Variants in ANAPC10 observed in about 807,000 individuals in gnomAD.
ANAPC10 encodes the protein anaphase promoting complex subunit 10, also known as anaphase-promoting complex subunit 10.
In ANAPC10, 12 loss-of-function variants were observed where a neutral mutation model predicts 22.0. The ratio of observed to expected loss-of-function variants is 0.55; its 90% CI spans 0.35 to 0.88. The LOEUF is 0.88. Ranked by LOEUF, ANAPC10 falls within the 40% of genes least tolerant of loss-of-function variation. ANAPC10 has a pLI of 0.01. For missense variants in ANAPC10, 188 were observed against 220.9 expected (o/e 0.85, Z 0.94); for synonymous variants, 65 against 69.5 (o/e 0.94, Z 0.32).
chr4:145,090,678 T>C (rs746576967), intron 2 of ANAPC10, among the ~76,000 whole-genome samples: 6 of 152,194 alleles, frequency 3.9e-5, no homozygotes, highest in Non-Finnish European at 8.8e-5. Flanking sequence ...GTAAAAGAAA[T>C]AGTACAACTT....
intron 2 of ANAPC10, among the ~76,000 whole-genome samples, chr4:145,092,578 CA>C (rs1239899762): frequency 5.3e-5 from 8 of 152,162 alleles, no homozygotes; most frequent in Non-Finnish European, 1.2e-4. Flanking sequence ...AATAGTACAG[CA>C]ACACTGAGAG....
At chr4:145,053,829 A>G in intron 4 of ANAPC10, 1 of 580,262 alleles carries the variant, frequency 1.7e-6, no homozygotes, top group South Asian at 2.1e-5. Context: ...ATTAAGATAT[A>G]CTTTTAAATT....
intron 4 of ANAPC10, among the ~76,000 whole-genome samples, chr4:145,031,821 T>C (rs1188404121): frequency 3.3e-5 from 5 of 152,180 alleles, no homozygotes; most frequent in Non-Finnish European, 7.3e-5. Flanking sequence ...GAGACATCTC[T>C]TGACTGGGCT....
chr4:145,024,435 A>G (rs557974969), intron 4 of ANAPC10, among the ~76,000 whole-genome samples: 5 of 152,348 alleles, frequency 3.3e-5, no homozygotes, highest in African/African-American at 1.2e-4. Context: ...ATCTTAAATA[A>G]TAAGAATTGA....
chr4:145,095,553 T>G (rs1748380240), intron 2 of ANAPC10, among the ~76,000 whole-genome samples: 1 of 152,162 alleles, frequency 6.6e-6, no homozygotes, highest in Non-Finnish European at 1.5e-5. Context: ...TCTGAAGTAT[T>G]GTCAGAAGGT....
chr4:145,017,850 C>G (rs1735413538), intron 4 of ANAPC10, among the ~76,000 whole-genome samples: 1 of 151,650 alleles, frequency 6.6e-6, no homozygotes, highest in Admixed American at 6.6e-5. Flanking sequence ...CCATCATTCT[C>G]AGCAAACTAT....
chr4:145,008,404 T>C (rs887047230), intron 4 of ANAPC10, among the ~76,000 whole-genome samples: 2 of 152,158 alleles, frequency 1.3e-5, no homozygotes, highest in Admixed American at 6.5e-5. Flanking sequence ...TTTAGACCAA[T>C]ATCCCTGATG....
chr4:145,015,225 T>A (rs193114899), intron 4 of ANAPC10, among the ~76,000 whole-genome samples: 1 of 151,734 alleles, frequency 6.6e-6, no homozygotes. Context: ...TTCAAGGAAA[T>A]AGATAGCATA....
intron 2 of ANAPC10, among the ~76,000 whole-genome samples, chr4:145,094,206 A>T (rs973252220): frequency 2.6e-5 from 4 of 152,214 alleles, no homozygotes; most frequent in Non-Finnish European, 4.4e-5. Context: ...AGCAAAACCC[A>T]CAAGTGAATT....
intron 3 of ANAPC10, among the ~76,000 whole-genome samples, chr4:145,066,529 T>G (rs1329540340): frequency 6.6e-6 from 1 of 152,030 alleles, no homozygotes; most frequent in East Asian, 1.9e-4. Context: ...AAGGATCAAG[T>G]GTTTTGCTCA....
intron 4 of ANAPC10, among the ~76,000 whole-genome samples, chr4:145,060,749 T>C (rs1742768190): frequency 6.6e-6 from 1 of 152,086 alleles, no homozygotes; most frequent in Non-Finnish European, 1.5e-5. Flanking sequence ...ATTCACACTA[T>C]TTTAATAACT....
chr4:145,025,109 A>G (rs1736474066), intron 4 of ANAPC10, among the ~76,000 whole-genome samples: 1 of 152,208 alleles, frequency 6.6e-6, no homozygotes. Flanking sequence ...TAGCCTTTAT[A>G]GAATTCAAGA....
At chr4:145,036,995 CGTGTGT>C (rs202100756) in intron 4 of ANAPC10, among the ~76,000 whole-genome samples, 6,244 of 131,186 alleles carry the variant, frequency 0.048, 189 homozygotes, top group African/African-American at 0.092. Flanking sequence ...AAATAGATAA[CGTGTGT>C]GTGTGTGTGT....
At chr4:144,998,124 T>A (rs952488364) in intron 4 of ANAPC10, among the ~76,000 whole-genome samples, 12 of 152,098 alleles carry the variant, frequency 7.9e-5, no homozygotes, top group Admixed American at 7.2e-4. Context: ...TCCCACACAA[T>A]AATAATGGGA....
At chr4:145,057,445 T>A (rs1742223774) in intron 4 of ANAPC10, among the ~76,000 whole-genome samples, 1 of 152,082 alleles carries the variant, frequency 6.6e-6, no homozygotes, top group African/African-American at 2.4e-5. Context: ...TTCTGAGAGT[T>A]CCTCTCAGCT....
chr4:145,081,332 T>A (rs543388512), intron 3 of ANAPC10, among the ~76,000 whole-genome samples: 1 of 152,160 alleles, frequency 6.6e-6, no homozygotes, highest in South Asian at 2.1e-4. Context: ...CTTAATATGA[T>A]ACATTAAGGT....
intron 3 of ANAPC10, among the ~76,000 whole-genome samples, chr4:145,066,871 C>A (rs1389930763): frequency 2.0e-4 from 31 of 151,932 alleles, no homozygotes; most frequent in Admixed American, 6.6e-5. Flanking sequence ...GTCTGTCGAC[C>A]TCACATGATT....
At chr4:145,011,747 T>C (rs1221424893) in intron 4 of ANAPC10, among the ~76,000 whole-genome samples, 1 of 152,128 alleles carries the variant, frequency 6.6e-6, no homozygotes, top group Non-Finnish European at 1.5e-5. Flanking sequence ...GGCCTATTTT[T>C]CCCTCACAAT....
intron 4 of ANAPC10, among the ~76,000 whole-genome samples, chr4:145,051,235 GA>G (rs1741054596): frequency 1.2e-5 from 1 of 82,526 alleles, no homozygotes; most frequent in African/African-American, 2.8e-5. Flanking sequence ...AACACAATTA[GA>G]GAGAAAGAGA....
Sources: gnomAD v4.1 joint callset for allele counts (sites outside exome capture counted in the v4.1 genomes callset) on GRCh38, gnomAD v4.1.1 for gene constraint, MANE v1.5 for transcripts, NCBI Gene and HGNC (gene_info 2026-07-23, HGNC 2026-07-21) for gene names.